The following BLOC1S5 variants were observed in gnomAD, a reference collection of about 807,000 sequenced individuals.
BLOC1S5 encodes biogenesis of lysosomal organelles complex 1 subunit 5, also known as biogenesis of lysosome-related organelles complex 1 subunit 5.
In BLOC1S5, 27 loss-of-function variants were observed where a neutral mutation model predicts 24.3. The observed-to-expected ratio is 1.11, with a 90% CI of 0.82 to 1.53. The LOEUF (loss-of-function observed/expected upper bound fraction) is 1.53, where lower values mean the gene tolerates loss of function less well. BLOC1S5 is among the 40% of genes most tolerant of loss of function. The probability of loss-of-function intolerance (pLI) is 0.00; values close to 1 mark genes in which losing one functional copy is unlikely to be tolerated. For synonymous variants in BLOC1S5, 84 were observed against 74.5 expected, an observed-to-expected ratio of 1.13 and a Z score of -0.66; for missense variants, 239 against 229.4, an observed-to-expected ratio of 1.04 and a Z score of -0.27.
chr6:8,027,369 C>T (rs756558009), intron 3 of BLOC1S5: 2 of 456,558 alleles, frequency 4.4e-6, no homozygotes, highest in African/African-American at 4.0e-5. Flanking sequence ...TCTTGTTGGT[C>T]CTCCTATCTC....
At chr6:8,045,850 T>C (rs975638021) in intron 2 of BLOC1S5, among the ~76,000 whole-genome samples, 4 of 152,198 alleles carry the variant, frequency 2.6e-5, no homozygotes, top group African/African-American at 9.6e-5. Context: ...TCGCTTTTGA[T>C]TTTGCAGGCT....
chr6:8,017,440 G>A (rs1762783194), intron 4 of BLOC1S5, among the ~76,000 whole-genome samples: 2 of 152,002 alleles, frequency 1.3e-5, no homozygotes, highest in East Asian at 1.9e-4. Context: ...GTTAATTTTG[G>A]CATGTTAATT....
At chr6:8,028,471 T>C (rs1047430630) in intron 3 of BLOC1S5, among the ~76,000 whole-genome samples, 3 of 152,218 alleles carry the variant, frequency 2.0e-5, no homozygotes, top group Non-Finnish European at 2.9e-5. Context: ...CGTTGTTTTT[T>C]TCCCCCACTG....
At chr6:8,035,003 T>G (rs1015522916) in intron 3 of BLOC1S5, among the ~76,000 whole-genome samples, 4 of 151,964 alleles carry the variant, frequency 2.6e-5, no homozygotes, top group South Asian at 4.1e-4. Context: ...CATGGAATAC[T>G]ATTCAGCCAT....
At chr6:8,062,197 GA>G (rs201509957) in intron 2 of BLOC1S5, among the ~76,000 whole-genome samples, 1 of 151,932 alleles carries the variant, frequency 6.6e-6, no homozygotes, top group African/African-American at 2.4e-5. Flanking sequence ...CTCAATTGAG[GA>G]AAAAATTACA....
chr6:8,062,986 C>A (rs1346052512), intron 1 of BLOC1S5, among the ~76,000 whole-genome samples: 1 of 152,038 alleles, frequency 6.6e-6, no homozygotes, highest in African/African-American at 2.4e-5. Flanking sequence ...TTCTATCAAT[C>A]ACCAAGTAAA....
chr6:8,018,310 T>G (rs931097799), intron 4 of BLOC1S5, among the ~76,000 whole-genome samples: 29 of 152,222 alleles, frequency 1.9e-4, no homozygotes, highest in Non-Finnish European at 7.3e-5. Flanking sequence ...ACAGTCAGAC[T>G]AGAAAAAGAA....
chr6:8,047,238 G>A (rs1446386758), intron 2 of BLOC1S5, among the ~76,000 whole-genome samples: 3 of 144,372 alleles, frequency 2.1e-5, no homozygotes, highest in Non-Finnish European at 3.0e-5. Flanking sequence ...GACAAGGTCT[G>A]GCTCTGTTTT....
intron 3 of BLOC1S5, among the ~76,000 whole-genome samples, chr6:8,032,720 A>C (rs1259387647): frequency 6.6e-6 from 1 of 152,236 alleles, no homozygotes; most frequent in Non-Finnish European, 1.5e-5. Context: ...TTGTATATTT[A>C]GAAAACCCCA....
intron 2 of BLOC1S5, among the ~76,000 whole-genome samples, chr6:8,045,188 G>A (rs1763837520): frequency 2.0e-5 from 3 of 152,208 alleles, no homozygotes; most frequent in South Asian, 4.1e-4. Context: ...TGGCTGAAAG[G>A]GGCCGACATA....
chr6:8,041,073 G>A, intron 3 of BLOC1S5, 66 bp downstream of exon 3: 2 of 1,516,406 alleles, frequency 1.3e-6, no homozygotes, highest in Non-Finnish European at 1.8e-6. Flanking sequence ...TAATACCCAA[G>A]AAAATACATT....
rs542007587 is a variant in BLOC1S5, at chr6:8,043,711, C to T, written c.196-2443G>A. ...TAATGTATCAATGTTGGTTTCTTAG[C>T]TTTTACAAATGCAGCATGGTAATGT... is the stretch of plus-strand genomic sequence containing the variant. On this transcript the variant is annotated intron_variant, in intron 2 of 4. Coordinates refer to ENST00000397457, the MANE Select transcript of BLOC1S5 (RefSeq NM_201280.3). 9.2e-5 allele frequency among the ~76,000 whole-genome samples: 14 copies of T among 152,240 alleles called. No homozygotes were observed. The South Asian group carries it at 2.1e-3, about 23-fold the overall frequency.
In BLOC1S5 at chr6:8,041,151, C is replaced by T. The variant is rs201502736; in HGVS notation, c.313G>A (p.Val105Ile). 64 of 1,592,454 alleles carry T rather than the reference C, an allele frequency of 4.0e-5. No homozygotes were observed. The highest frequency in any genetic ancestry group is 5.3e-5 in the Non-Finnish European group (62 of 1,170,784). Residue 105 changes from valine (V) to isoleucine (I), a missense_variant, in exon 3 of 5, where the codon GTT becomes ATT. Physicochemically the swap from Val to Ile is conservative, Grantham distance 29. Coordinates refer to ENST00000397457, the MANE Select transcript of BLOC1S5 (RefSeq NM_201280.3). ...ATTGCTGACTCACATCTCTGGAGAA[C>T]CTGGCTGAGGCTGTCCCGCATTGTG... The part of the protein sequence containing the change: ...RDTMRDSLSQ[V>I]LQRLQAANDS...
chr6:8,034,868 C>A (rs9406082), intron 3 of BLOC1S5, among the ~76,000 whole-genome samples: 1 of 151,998 alleles, frequency 6.6e-6, no homozygotes, highest in Non-Finnish European at 1.5e-5. Flanking sequence ...CAATTCTCAA[C>A]TGCAAAAATA....
chr6:8,039,786 A>G (rs552111204), intron 3 of BLOC1S5, among the ~76,000 whole-genome samples: 1 of 152,318 alleles, frequency 6.6e-6, no homozygotes, highest in African/African-American at 2.4e-5. Context: ...AACAACAACA[A>G]AAGTCCTGAG....
At chr6:8,050,035 G>A (rs886778640) in intron 2 of BLOC1S5, among the ~76,000 whole-genome samples, 5 of 152,072 alleles carry the variant, frequency 3.3e-5, no homozygotes, top group African/African-American at 4.8e-5. Context: ...CTAAGTGTAC[G>A]CAAGCATACC....
At chr6:8,017,984 A>G (rs1230353815) in intron 4 of BLOC1S5, 9 of 152,232 alleles carry the variant, frequency 5.9e-5, no homozygotes, top group African/African-American at 9.6e-5. Context: ...AGACTGTTCA[A>G]CTTCAGACTC....
intron 3 of BLOC1S5, among the ~76,000 whole-genome samples, chr6:8,029,641 C>T (rs1356692683): frequency 6.6e-6 from 1 of 152,214 alleles, no homozygotes; most frequent in African/African-American, 2.4e-5. Context: ...CTCAGCACCA[C>T]CACACTGCAC....
At chr6:8,050,788 A>G (rs1764081675) in intron 2 of BLOC1S5, among the ~76,000 whole-genome samples, 1 of 151,602 alleles carries the variant, frequency 6.6e-6, no homozygotes, top group Admixed American at 6.6e-5. Context: ...TATTTTTAGT[A>G]GAGACGGGGT....
Sources: allele counts gnomAD v4.1 joint callset (sites outside exome capture counted in the v4.1 genomes callset), GRCh38; gene constraint gnomAD v4.1.1; transcripts MANE v1.5; gene names NCBI Gene and HGNC (gene_info 2026-07-23, HGNC 2026-07-21).